The following CIITA variants were observed in gnomAD, a reference collection of about 807,000 sequenced individuals.
CIITA encodes the protein class II major histocompatibility complex transactivator.
CIITA carries 72 observed loss-of-function variants against 115.1 expected under a neutral mutation model. The ratio of observed to expected loss-of-function variants is 0.63; its 90% CI spans 0.52 to 0.76. CIITA has a LOEUF of 0.76. Ranked by LOEUF, CIITA falls within the 30% of genes least tolerant of loss-of-function variation. The pLI is 0.00. For missense variants in CIITA, 1,617 were observed against 1,463.8 expected (o/e 1.10, Z -1.71); for synonymous variants, 763 against 635.6 (o/e 1.20, Z -3.02).
chr16:10,924,084 T>C lies in CIITA; in HGVS notation c.*229T>C, dbSNP rs2040422735. 6.6e-6 allele frequency: 1 copy of C among 152,558 alleles called. No individual in the cohort carries two copies. The highest frequency in any genetic ancestry group is 1.5e-5 in the Non-Finnish European group (1 of 68,286). 9.5% of individuals were successfully genotyped at this position (152,558 alleles called of 1,614,324 possible). ...GGCTCCAGGCTCCTTTAGCGCCCAG[T>C]TGGGTGGATGCCTGGTGGCAGCTGC... is the stretch of plus-strand genomic sequence containing the variant. On this transcript the variant is annotated 3_prime_UTR_variant, in exon 20 of 20. Coordinates refer to ENST00000324288, the MANE Select transcript of CIITA (RefSeq NM_000246.4).
chr16:10,916,394 C>T lies in CIITA; in HGVS notation c.2997C>T (p.Ile999=), dbSNP rs199829790. The part of the protein sequence containing the change: ...LDLDALSENK[I]GDEGVSQLSA... ...TGGATGCGCTGAGTGAGAACAAGAT[C>T]GGGGACGAGGGTGTCTCGCAGCTCT... is the stretch of plus-strand genomic sequence containing the variant. Residue 999 remains isoleucine (I), a synonymous_variant, in exon 15 of 20, where the codon ATC becomes ATT. Transcript: ENST00000324288. 8.1e-6 allele frequency: 13 copies of T among 1,613,756 alleles called. No individual in the cohort carries two copies. The highest frequency in any genetic ancestry group is 5.3e-5 in the African/African-American group (4 of 74,906).
In CIITA at chr16:10,906,541, G is replaced by T. The variant is rs754732155; in HGVS notation, c.1049G>T (p.Gly350Val). The stretch of plus-strand genomic sequence containing the variant: ...TACCGCTCACTGCAGGACACGTATG[G>T]TGCCGAGCCCGCAGGCCCGGATGGC... ...QFYRSLQDTY[G>V]AEPAGPDGIL... is the part of the protein sequence containing the mutation. The change falls in exon 11 of 20, where the codon GGT becomes GTT. Residue 350 changes from glycine to valine, a missense_variant. Physicochemically the swap from Gly to Val is moderately radical, Grantham distance 109. Transcript: ENST00000324288. 2.5e-6 allele frequency: 4 copies of T among 1,612,576 alleles called. No individual in the cohort carries two copies. The East Asian group carries it at 8.9e-5, about 36-fold the overall frequency.
chr16:10,899,680 C>T (rs2038512003), intron 5 of CIITA, among the ~76,000 whole-genome samples: 1 of 152,176 alleles, frequency 6.6e-6, no homozygotes, highest in Non-Finnish European at 1.5e-5. Context: ...TAACAGTTAA[C>T]TGAGTACTTA....
At position 10,923,372 on chromosome 16, in the gene CIITA, C is replaced by T. The variant is rs2040379467; in HGVS notation, c.*22+47C>T. 2 of 1,449,664 alleles carry T rather than the reference C, an allele frequency of 1.4e-6. No individual in the cohort carries two copies. Among genetic ancestry groups the T allele is most frequent in the South Asian group, 2.3e-5 (2 of 87,868 alleles). The allele number at this position is 1,449,664 out of a possible 1,614,324, so 89.8% of individuals were successfully genotyped here. ...GGGGAGAGCCGCAGTGGGTTGGGGG[C>T]AGTGTCCTTGTGAAGGTGGCATTCA... On this transcript the variant is annotated intron_variant, in intron 19 of 19. Transcript: ENST00000324288. The surrounding 1 kb of genome is among the most constrained non-coding windows in gnomAD (Gnocchi z 5.2).
intron 16 of CIITA, among the ~76,000 whole-genome samples, chr16:10,918,852 G>A (rs545570626): frequency 2.6e-5 from 4 of 152,306 alleles, no homozygotes; most frequent in South Asian, 2.1e-4. Flanking sequence ...ACCTAGGGGT[G>A]GTGGCTTCTG....
rs749990652 is a variant in CIITA, at chr16:10,907,629, C to G, written c.2137C>G (p.Leu713Val). Reference sequence around the variant, plus strand: ...CGAGCTGGCCTTCCCCAGCTTCCTCCTGCAATGCTTCCTGGGGGCCCTGTG... The same window carrying G: ...CGAGCTGGCCTTCCCCAGCTTCCTCGTGCAATGCTTCCTGGGGGCCCTGTG... ...ESELAFPSFL[L>V]QCFLGALWLA... is the part of the protein sequence containing the mutation. Residue 713 changes from leucine to valine, a missense_variant, in exon 11 of 20, where the codon CTG becomes GTG. By Grantham distance (32) the Leu-to-Val change is conservative. Transcript: ENST00000324288. The surrounding 1 kb of genome is among the most constrained non-coding windows in gnomAD (Gnocchi z 5.0). The G allele has an allele frequency of 6.2e-7, 1 of 1,614,234 alleles. No individual in the cohort carries two copies. Among genetic ancestry groups the G allele is most frequent in the South Asian group, 1.1e-5 (1 of 91,090 alleles).
chr16:10,904,666 G>A, intron 9 of CIITA, 78 bp from the exon 10 acceptor site: 27 of 1,474,260 alleles, frequency 1.8e-5, no homozygotes, highest in Non-Finnish European at 2.6e-5. Context: ...AGGCTGTAAG[G>A]ACTAAGTGGC....
rs1351145226 is a variant in CIITA at position 10,932,518 on chromosome 16, TG to T, written c.*8664del. 1 of 152,160 alleles carries T rather than the reference TG, an allele frequency of 6.6e-6. No homozygotes were observed. Among genetic ancestry groups the T allele is most frequent in the African/African-American group, 2.4e-5 (1 of 41,410 alleles). The allele number at this position is 152,160 out of a possible 1,614,324, so 9.4% of individuals were successfully genotyped here. ...CCCCAAAGCCGAAACCACTCGGCACTGCAGGTTCGTCCCTTTTCTCTGAGAT... is the reference window on the plus strand; with the variant it reads ...CCCCAAAGCCGAAACCACTCGGCACTCAGGTTCGTCCCTTTTCTCTGAGAT... On this transcript the variant is annotated 3_prime_UTR_variant, in exon 20 of 20. Coordinates refer to ENST00000324288, the MANE Select transcript of CIITA (RefSeq NM_000246.4).
At chr16:10,892,140 A>G (rs930543230) in intron 1 of CIITA, among the ~76,000 whole-genome samples, 3 of 152,100 alleles carry the variant, frequency 2.0e-5, no homozygotes, top group Non-Finnish European at 2.9e-5. Flanking sequence ...CCTGACCAAC[A>G]TGGTGAAACC....
intron 1 of CIITA, among the ~76,000 whole-genome samples, chr16:10,877,908 G>A (rs1182253830): frequency 6.6e-6 from 1 of 152,176 alleles, no homozygotes; most frequent in Admixed American, 6.5e-5. Flanking sequence ...AGGGGACGGG[G>A]GAACAGATGG....
Position 10,920,652 on chromosome 16 carries a change from TAA to T in CIITA, c.3150-1514_3150-1513del, listed in dbSNP as rs2040221008. ...GCAAACTGTGACACGCTATTGGTTA[TAA>T]GACACATCCTGATCTCAATGATATT... On this transcript the variant is annotated intron_variant, in intron 16 of 19. Transcript: ENST00000324288. The surrounding 1 kb of genome is among the most constrained non-coding windows in gnomAD (Gnocchi z 4.5). Among the ~76,000 whole-genome samples the T allele has an allele frequency of 1.3e-5, 2 of 152,220 alleles. No homozygotes were observed. The highest frequency in any genetic ancestry group is 4.8e-5 in the African/African-American group (2 of 41,456).
At position 10,941,622 on chromosome 16, in the gene CIITA, G is replaced by A. The variant is rs917232953; in HGVS notation, n.748G>A. The A allele has an allele frequency of 2.8e-5, 42 of 1,515,102 alleles. No homozygotes were observed. Among genetic ancestry groups the A allele is most frequent in the Non-Finnish European group, 3.4e-5 (38 of 1,132,978 alleles). 93.9% of individuals were successfully genotyped at this position (1,515,102 alleles called of 1,614,324 possible). A position where few individuals can be genotyped will look rare whatever the true frequency, so the allele number is the denominator to read the frequency against. ...CCTGGGGAACCATCCCCGTCCAGAT[G>A]GTGCCCCCAACCAGCTGCGGCGGCA... is the stretch of plus-strand genomic sequence containing the variant. On this transcript the variant is annotated non_coding_transcript_exon_variant, in exon 2 of 2. Transcript: ENST00000573379. This position sits in a 1 kb window ranked among gnomAD's most constrained non-coding sequence, Gnocchi z 6.4.
chr16:10,899,358 C>T (rs909951059), intron 5 of CIITA, among the ~76,000 whole-genome samples: 3 of 152,154 alleles, frequency 2.0e-5, no homozygotes, highest in African/African-American at 4.8e-5. Context: ...GAATGCCCTT[C>T]CCCCAGTTCT....
chr16:10,882,679 C>G (rs1208003736), intron 1 of CIITA, among the ~76,000 whole-genome samples: 4 of 152,204 alleles, frequency 2.6e-5, no homozygotes, highest in African/African-American at 9.6e-5. Context: ...CGGTGGATCA[C>G]CTGGGATCAG....
Position 10,909,056 on chromosome 16 carries a change from G to A in CIITA, c.2685G>A (p.Leu895=), listed in dbSNP as rs761356343. 2 of 1,614,098 alleles carry A rather than the reference G, an allele frequency of 1.2e-6. No homozygotes were observed. The highest frequency in any genetic ancestry group is 2.2e-5 in the East Asian group (1 of 44,900). ...CTGCCTTGAGCGACACGGTGGCGCT[G>A]TGGGAGTCCCTGCAGCAGCATGGGG... The part of the protein sequence containing the change: ...FRAALSDTVA[L]WESLQQHGET... Residue 895 remains leucine (L), a synonymous_variant, in exon 12 of 20, where the codon CTG becomes CTA. Transcript: ENST00000324288.
At position 10,907,533 on chromosome 16, in the gene CIITA, C is replaced by T. The variant is rs769811606; in HGVS notation, c.2041C>T (p.Pro681Ser). 1 of 1,614,180 alleles carries T rather than the reference C, an allele frequency of 6.2e-7. No individual in the cohort carries two copies. Among genetic ancestry groups the T allele is most frequent in the African/African-American group, 1.3e-5 (1 of 75,066 alleles). Reference protein sequence around the residue: ...HQSTLQEDQFPSADVRTWAMA... With the variant: ...HQSTLQEDQFSSADVRTWAMA... ...AAGTACCCTACAGGAGGACCAGTTC[C>T]CATCCGCAGACGTGAGGACCTGGGC... Residue 681 changes from proline (P) to serine (S), a missense_variant, in exon 11 of 20, where the codon CCA becomes TCA. By Grantham distance (74) the Pro-to-Ser change is moderately conservative (BLOSUM62 -1). Transcript: ENST00000324288. The surrounding 1 kb of genome is among the most constrained non-coding windows in gnomAD (Gnocchi z 5.0).
At chr16:10,891,298 G>A (rs971061041) in intron 1 of CIITA, among the ~76,000 whole-genome samples, 7 of 151,912 alleles carry the variant, frequency 4.6e-5, no homozygotes, top group Non-Finnish European at 1.0e-4. Flanking sequence ...GAAGGGGCAG[G>A]GGCAGCCACC....
chr16:10,911,799 C>T (rs2039602662), intron 13 of CIITA, among the ~76,000 whole-genome samples: 1 of 152,168 alleles, frequency 6.6e-6, no homozygotes, highest in African/African-American at 2.4e-5. Flanking sequence ...AATCCTCCCA[C>T]CTCAGCCTCC....
rs1173096560 is a variant in CIITA, at chr16:10,931,784, G to C, written c.*7929G>C. On this transcript the variant is annotated 3_prime_UTR_variant, in exon 20 of 20. Coordinates refer to ENST00000324288, the MANE Select transcript of CIITA (RefSeq NM_000246.4). Reference sequence around the variant, plus strand: ...CAGGTGCCTGAGGTCCCAGCTACTCGGGAGGCTGAGGCAGAAGAATCGCTT... The same window carrying C: ...CAGGTGCCTGAGGTCCCAGCTACTCCGGAGGCTGAGGCAGAAGAATCGCTT... 1.3e-5 allele frequency: 2 copies of C among 152,268 alleles called. No individual in the cohort carries two copies. The highest frequency in any genetic ancestry group is 2.9e-5 in the Non-Finnish European group (2 of 68,098). The allele number at this position is 152,268 out of a possible 1,614,324, so 9.4% of individuals were successfully genotyped here. A position where few individuals can be genotyped will look rare whatever the true frequency, so the allele number is the denominator to read the frequency against.
Sources: allele counts gnomAD v4.1 joint callset (sites outside exome capture counted in the v4.1 genomes callset), GRCh38; gene constraint gnomAD v4.1.1; non-coding constraint Gnocchi (gnomAD v3.1); transcripts MANE v1.5; gene names NCBI Gene and HGNC (gene_info 2026-07-23, HGNC 2026-07-21).